SPOCK3: variants seen among roughly 807,000 people sequenced by gnomAD.
SPOCK3 encodes SPARC (osteonectin), cwcv and kazal like domains proteoglycan 3.
SPOCK3 carries 30 observed loss-of-function variants against 56.6 expected under a neutral mutation model. The ratio of observed to expected loss-of-function variants is 0.53; its 90% CI spans 0.40 to 0.72. The LOEUF (loss-of-function observed/expected upper bound fraction) is 0.72, where lower values mean the gene tolerates loss of function less well. Ranked by LOEUF, SPOCK3 falls within the 30% of genes least tolerant of loss-of-function variation. The pLI, the probability that SPOCK3 is intolerant of heterozygous loss-of-function variation, is 0.00. For missense variants in SPOCK3, 527 were observed against 530.0 expected (o/e 0.99, Z 0.06); for synonymous variants, 196 against 183.3 (o/e 1.07, Z -0.56).
intron 7 of SPOCK3, among the ~76,000 whole-genome samples, chr4:166,778,334 A>G (rs1169275305): frequency 6.6e-6 from 1 of 152,202 alleles, no homozygotes; most frequent in Non-Finnish European, 1.5e-5. Flanking sequence ...CTTAGTCCTC[A>G]AGTAAATCAA....
At chr4:167,170,319 C>A (rs1411935830) in intron 2 of SPOCK3, among the ~76,000 whole-genome samples, 3 of 152,140 alleles carry the variant, frequency 2.0e-5, no homozygotes, top group South Asian at 4.1e-4. Context: ...ATGTCCGATA[C>A]CTTTAAGCAA....
intron 2 of SPOCK3, among the ~76,000 whole-genome samples, chr4:167,209,023 G>A (rs745940486): frequency 6.6e-6 from 1 of 152,080 alleles, no homozygotes; most frequent in Non-Finnish European, 1.5e-5. Flanking sequence ...CAAATGAAGT[G>A]GATGAATATA....
chr4:167,059,906 A>G (rs1213328865), intron 3 of SPOCK3, among the ~76,000 whole-genome samples: 1 of 152,122 alleles, frequency 6.6e-6, no homozygotes, highest in East Asian at 1.9e-4. Flanking sequence ...GCAAGAACAA[A>G]AAACCAAACA....
chr4:166,964,630 T>C (rs1459225304), intron 4 of SPOCK3, among the ~76,000 whole-genome samples: 3 of 151,628 alleles, frequency 2.0e-5, no homozygotes, highest in African/African-American at 7.2e-5. Flanking sequence ...ATAGTTGATA[T>C]TATATATAAT....
chr4:166,743,804 A>C (rs1374856227), intron 8 of SPOCK3, among the ~76,000 whole-genome samples: 3 of 152,176 alleles, frequency 2.0e-5, no homozygotes, highest in Non-Finnish European at 4.4e-5. Context: ...CCAGGAGACT[A>C]TATCCTGCGC....
intron 6 of SPOCK3, among the ~76,000 whole-genome samples, chr4:166,854,967 A>G (rs959799397): frequency 2.0e-5 from 3 of 152,178 alleles, no homozygotes; most frequent in African/African-American, 2.4e-5. Context: ...GAATCCTCAA[A>G]GTCTCTAACT....
chr4:167,009,941 C>T (rs543624795), intron 3 of SPOCK3, among the ~76,000 whole-genome samples: 5 of 151,816 alleles, frequency 3.3e-5, no homozygotes, highest in South Asian at 2.1e-4. Flanking sequence ...TTAAAAAGAA[C>T]TAAAATTTAA....
intron 2 of SPOCK3, among the ~76,000 whole-genome samples, chr4:167,122,424 A>G (rs1761947344): frequency 6.6e-6 from 1 of 152,302 alleles, no homozygotes; most frequent in Admixed American, 6.5e-5. Flanking sequence ...ATAATTTTCA[A>G]TTGTACATTT....
At chr4:166,858,991 C>T (rs965097358) in intron 6 of SPOCK3, among the ~76,000 whole-genome samples, 8 of 152,068 alleles carry the variant, frequency 5.3e-5, no homozygotes, top group African/African-American at 1.9e-4. Context: ...ATTTGTATCC[C>T]CTGGTAATGT....
At chr4:166,789,429 CA>C (rs1741095977) in intron 7 of SPOCK3, among the ~76,000 whole-genome samples, 3 of 151,340 alleles carry the variant, frequency 2.0e-5, no homozygotes, top group Admixed American at 1.3e-4. Context: ...AACGCTGTCT[CA>C]AAAAAAGAAA....
chr4:166,801,609 A>G (rs911626694), intron 6 of SPOCK3, among the ~76,000 whole-genome samples: 2 of 152,272 alleles, frequency 1.3e-5, no homozygotes, highest in African/African-American at 4.8e-5. Context: ...AATAATATAA[A>G]TATTTAAAGA....
chr4:166,955,197 G>A (rs1282074163), intron 4 of SPOCK3, among the ~76,000 whole-genome samples: 1 of 151,862 alleles, frequency 6.6e-6, no homozygotes, highest in Non-Finnish European at 1.5e-5. Context: ...ACAGAAAAAT[G>A]TATGAGTTTC....
At chr4:166,922,299 G>T (rs531870565) in intron 4 of SPOCK3, among the ~76,000 whole-genome samples, 1 of 152,272 alleles carries the variant, frequency 6.6e-6, no homozygotes, top group East Asian at 1.9e-4. Flanking sequence ...ATGGAATTCA[G>T]AATTTATTTG....
chr4:167,186,713 A>G (rs1212236564), intron 2 of SPOCK3, among the ~76,000 whole-genome samples: 1 of 152,042 alleles, frequency 6.6e-6, no homozygotes, highest in African/African-American at 2.4e-5. Context: ...GCAGTGGCTC[A>G]TGCCTGTAAT....
chr4:167,120,789 T>C (rs1761799175), intron 2 of SPOCK3, among the ~76,000 whole-genome samples: 1 of 77,766 alleles, frequency 1.3e-5, no homozygotes, highest in Non-Finnish European at 2.5e-5. Context: ...CAAAAATGGT[T>C]ATCTTTGCAT....
chr4:167,112,378 A>C (rs571229834), intron 2 of SPOCK3, among the ~76,000 whole-genome samples: 2 of 152,252 alleles, frequency 1.3e-5, no homozygotes, highest in African/African-American at 4.8e-5. Context: ...GTATTAAAGC[A>C]TATTTATGAC....
At chr4:167,124,438 C>A (rs1438040568) in intron 2 of SPOCK3, among the ~76,000 whole-genome samples, 1 of 152,184 alleles carries the variant, frequency 6.6e-6, no homozygotes, top group African/African-American at 2.4e-5. Context: ...GGTTTTCATG[C>A]AGTCAGATAT....
chr4:166,894,305 TGA>T (rs1409965431), intron 5 of SPOCK3, among the ~76,000 whole-genome samples: 18 of 152,030 alleles, frequency 1.2e-4, no homozygotes, highest in Non-Finnish European at 7.4e-5. Flanking sequence ...ATAGGGCAGG[TGA>T]GAGTCATGTT....
chr4:167,138,330 A>G (rs1763276959), intron 2 of SPOCK3, among the ~76,000 whole-genome samples: 1 of 151,798 alleles, frequency 6.6e-6, no homozygotes, highest in Non-Finnish European at 1.5e-5. Flanking sequence ...TATTTACTGA[A>G]TTTTTGTCAC....
Sources: gnomAD v4.1 joint callset for allele counts (sites outside exome capture counted in the v4.1 genomes callset) on GRCh38, gnomAD v4.1.1 for gene constraint, MANE v1.5 for transcripts, NCBI Gene and HGNC (gene_info 2026-07-23, HGNC 2026-07-21) for gene names.